Variants in STAU2 observed in about 807,000 individuals in gnomAD.
STAU2 encodes double-stranded RNA-binding protein Staufen homolog 2.
A neutral mutation model predicts 65.9 loss-of-function variants in STAU2; 20 were observed. That is an observed-to-expected ratio of 0.30 (90% confidence interval 0.21 to 0.44). The LOEUF (loss-of-function observed/expected upper bound fraction) is 0.44. STAU2 is among the 20% of genes least tolerant of loss of function. The pLI is 1.00. For missense variants in STAU2, 558 were observed against 683.9 expected, an observed-to-expected ratio of 0.82 and a Z score of 2.05; for synonymous variants, 232 against 233.9, an observed-to-expected ratio of 0.99 and a Z score of 0.07.
At chr8:73,609,362 TTAAA>T (rs1193593327) in intron 9 of STAU2, among the ~76,000 whole-genome samples, 1 of 151,336 alleles carries the variant, frequency 6.6e-6, no homozygotes, top group Non-Finnish European at 1.5e-5. Flanking sequence ...AAAAAAAAAA[TTAAA>T]TAAAGGGCCG....
At position 73,615,681 on chromosome 8, in the gene STAU2, A is replaced by C. The variant is rs777176731; in HGVS notation, c.672T>G (p.Ser224Arg). 1 of 1,613,208 alleles carries C rather than the reference A, an allele frequency of 6.2e-7. No homozygotes were observed. Among genetic ancestry groups the C allele is most frequent in the South Asian group, 1.1e-5 (1 of 91,020 alleles). ...ATCTCTACCGAGTACATACCTCAAA[A>C]CTGACAGGCATATTTCGCTTCAGAG... ...EIALKRNMPV[S>R]FEVIKESGPP... The change falls in exon 8 of 15, where the codon AGT becomes AGG. Residue 224 changes from serine (S) to arginine (R), a missense_variant. Around this residue, in one of 3 missense-constraint regions of STAU2, gnomAD observed 199 missense variants for 299.5 expected, o/e 0.66. Transcript: ENST00000524300.
At chr8:73,703,553 CA>C (rs2130615430) in intron 4 of STAU2, among the ~76,000 whole-genome samples, 1 of 152,138 alleles carries the variant, frequency 6.6e-6, no homozygotes, top group Non-Finnish European at 1.5e-5. Context: ...TAAAAACAAC[CA>C]AAATATCCAT....
intron 12 of STAU2, among the ~76,000 whole-genome samples, chr8:73,567,126 G>A (rs1320685886): frequency 6.6e-6 from 1 of 152,076 alleles, no homozygotes. Flanking sequence ...AATACAGTGG[G>A]GAAAAAAGTG....
intron 6 of STAU2, among the ~76,000 whole-genome samples, chr8:73,636,052 C>T (rs1586166184): frequency 6.6e-6 from 1 of 151,792 alleles, no homozygotes. Flanking sequence ...CAACTAACTG[C>T]CTGCCTAAAA....
At chr8:73,575,675 A>G (rs1809488790) in intron 12 of STAU2, among the ~76,000 whole-genome samples, 1 of 152,158 alleles carries the variant, frequency 6.6e-6, no homozygotes, top group Non-Finnish European at 1.5e-5. Context: ...GCTAAAATAA[A>G]ATGGGTAGAA....
chr8:73,603,831 A>G lies in STAU2; in HGVS notation c.924T>C (p.Pro308=). 1.2e-6 allele frequency: 2 copies of G among 1,612,182 alleles called. No individual in the cohort carries two copies. Among genetic ancestry groups the G allele is most frequent in the Non-Finnish European group, 1.7e-6 (2 of 1,179,808 alleles). ...GTTGAATTTGCGCCAGGCGGCTAAT[A>G]GGGTTCATCCCTTGGCCATATTCTG... is the stretch of plus-strand genomic sequence containing the variant. ...AGPEYGQGMN[P]ISRLAQIQQA... is the part of the protein sequence containing the mutation. Residue 308 remains proline, a synonymous_variant, in exon 10 of 15, where the codon CCT becomes CCC. Coordinates refer to ENST00000524300, the MANE Select transcript of STAU2 (RefSeq NM_001164380.2).
At chr8:73,537,182 A>G (rs1207874811) in intron 13 of STAU2, among the ~76,000 whole-genome samples, 2 of 152,116 alleles carry the variant, frequency 1.3e-5, no homozygotes, top group Non-Finnish European at 2.9e-5. Context: ...AAGCTCCCCA[A>G]TCTGAAAAAC....
chr8:73,656,182 T>C (rs1274855154), intron 6 of STAU2, among the ~76,000 whole-genome samples: 2 of 152,238 alleles, frequency 1.3e-5, no homozygotes, highest in African/African-American at 4.8e-5. Flanking sequence ...AGAAAGAATA[T>C]TTCTTACTGC....
At chr8:73,699,872 A>C (rs1160994929) in intron 4 of STAU2, among the ~76,000 whole-genome samples, 5 of 151,574 alleles carry the variant, frequency 3.3e-5, no homozygotes, top group Admixed American at 2.6e-4. Context: ...AAAAAAAAAA[A>C]AAAAAAACCT....
intron 12 of STAU2, among the ~76,000 whole-genome samples, chr8:73,556,938 TA>T (rs139844794): frequency 0.049 from 7,377 of 151,746 alleles, 435 homozygotes; most frequent in African/African-American, 0.14. Flanking sequence ...AATAAAGTTG[TA>T]AAAAAAAATT....
intron 4 of STAU2, among the ~76,000 whole-genome samples, chr8:73,704,434 T>C (rs1820350172): frequency 6.6e-6 from 1 of 152,178 alleles, no homozygotes; most frequent in South Asian, 2.1e-4. Context: ...ATACAGACCA[T>C]GTATTACATA....
intron 12 of STAU2, among the ~76,000 whole-genome samples, chr8:73,562,134 CTT>C (rs1160746186): frequency 1.3e-5 from 2 of 152,188 alleles, no homozygotes; most frequent in African/African-American, 4.8e-5. Context: ...AACTTCATTT[CTT>C]CATTTCAGAC....
intron 5 of STAU2, among the ~76,000 whole-genome samples, chr8:73,687,533 T>C (rs1167162945): frequency 7.0e-6 from 1 of 142,494 alleles, no homozygotes; most frequent in African/African-American, 2.6e-5. Flanking sequence ...ATTTAAACTA[T>C]ATATTTAAAA....
chr8:73,705,904 C>T lies in STAU2; in HGVS notation c.114+3128G>A, dbSNP rs548440140. On this transcript the variant is annotated intron_variant, in intron 4 of 14. Coordinates refer to ENST00000524300, the MANE Select transcript of STAU2 (RefSeq NM_001164380.2). ...TCTGTCCTGTGTTTCCAAACTCTGGCTGTACTTTTGAGTCATTTCAGAGCT... is the reference window on the plus strand; with the variant it reads ...TCTGTCCTGTGTTTCCAAACTCTGGTTGTACTTTTGAGTCATTTCAGAGCT... Among the ~76,000 whole-genome samples, 6 of 152,212 alleles carry T rather than the reference C, an allele frequency of 3.9e-5. No individual in the cohort carries two copies. The East Asian group carries it at 1.2e-3, about 29-fold the overall frequency.
rs1471365379 is a variant in STAU2 at position 73,664,555 on chromosome 8, G to C, written c.410+8552C>G. Among the ~76,000 whole-genome samples the C allele has an allele frequency of 2.0e-5, 3 of 152,072 alleles. No homozygotes were observed. The South Asian group carries it at 6.2e-4, about 32-fold the overall frequency. ...TCTGCACCTAATGAGATACTGATAT[G>C]GTTGTTCTCCTTTATTCTATTAATT... On this transcript the variant is annotated intron_variant, in intron 6 of 14. Transcript: ENST00000524300.
chr8:73,712,251 A>G (rs958119307), intron 3 of STAU2, among the ~76,000 whole-genome samples: 1 of 152,232 alleles, frequency 6.6e-6, no homozygotes, highest in African/African-American at 2.4e-5. Flanking sequence ...AGACCTACTT[A>G]GAAGTAAATA....
intron 13 of STAU2, among the ~76,000 whole-genome samples, chr8:73,461,958 C>T (rs1287220761): frequency 6.6e-6 from 1 of 152,220 alleles, no homozygotes. Flanking sequence ...CTTTGATTAC[C>T]TAAGCCATGC....
intron 6 of STAU2, chr8:73,669,223 G>A (rs1817479643): frequency 1.6e-6 from 1 of 639,676 alleles, no homozygotes; most frequent in East Asian, 2.7e-5. Flanking sequence ...TGGCTTGGTA[G>A]CTTACTAGTA....
chr8:73,537,786 C>T (rs1472249088), intron 13 of STAU2, among the ~76,000 whole-genome samples: 1 of 152,206 alleles, frequency 6.6e-6, no homozygotes, highest in African/African-American at 2.4e-5. Flanking sequence ...TTGGTAAATA[C>T]AACAGGTTTC....
Sources: gnomAD v4.1 joint callset for allele counts (sites outside exome capture counted in the v4.1 genomes callset) on GRCh38, gnomAD v4.1.1 for gene constraint, gnomAD v4.1.1 regional missense constraint, MANE v1.5 for transcripts, NCBI Gene and HGNC (gene_info 2026-07-23, HGNC 2026-07-21) for gene names.